SLC25A17: variants seen among roughly 807,000 people sequenced by gnomAD.
SLC25A17 encodes peroxisomal membrane protein PMP34.
A neutral mutation model predicts 38.5 loss-of-function variants in SLC25A17; 26 were observed. The ratio of observed to expected loss-of-function variants is 0.68; its 90% confidence interval spans 0.50 to 0.94. The LOEUF is 0.94. SLC25A17 is among the 40% of genes least tolerant of loss of function. SLC25A17 has a pLI of 0.00. For synonymous variants in SLC25A17, 139 were observed against 136.2 expected (o/e 1.02, Z -0.14); for missense variants, 333 against 372.7 (o/e 0.89, Z 0.88).
chr22:40,773,726 T>A (rs1380748323), intron 8 of SLC25A17, among the ~76,000 whole-genome samples: 1 of 152,220 alleles, frequency 6.6e-6, no homozygotes, highest in Non-Finnish European at 1.5e-5. Context: ...TAACAAAGAA[T>A]AAGAACCTGA....
intron 1 of SLC25A17, among the ~76,000 whole-genome samples, chr22:40,813,551 C>T (rs1038478256): frequency 1.7e-4 from 25 of 147,978 alleles, no homozygotes; most frequent in African/African-American, 6.3e-4. Context: ...AAAAAATACC[C>T]TCTCTATTAA....
At chr22:40,790,606 C>T (rs2145672613) in intron 4 of SLC25A17, among the ~76,000 whole-genome samples, 1 of 152,170 alleles carries the variant, frequency 6.6e-6, no homozygotes, top group South Asian at 2.1e-4. Flanking sequence ...CTAAATTGCA[C>T]TAAGAGTTAG....
chr22:40,799,124 AG>A, intron 1 of SLC25A17, 41 bp from the exon 2 acceptor site: 1 of 1,535,762 alleles, frequency 6.5e-7, no homozygotes, highest in Non-Finnish European at 9.0e-7. Context: ...TCACAAACAT[AG>A]TTTAAGTCAC....
At chr22:40,807,830 A>G (rs987970137) in intron 1 of SLC25A17, among the ~76,000 whole-genome samples, 2 of 152,184 alleles carry the variant, frequency 1.3e-5, no homozygotes, top group Non-Finnish European at 2.9e-5. Flanking sequence ...GGGACTTGCT[A>G]TATTTGTCTC....
chr22:40,797,729 T>C (rs2057443031), intron 2 of SLC25A17, among the ~76,000 whole-genome samples: 1 of 152,222 alleles, frequency 6.6e-6, no homozygotes, highest in South Asian at 2.1e-4. Context: ...TGACCAGTAT[T>C]TAAAGTCAAT....
At chr22:40,808,253 A>AC (rs2057547346) in intron 1 of SLC25A17, among the ~76,000 whole-genome samples, 1 of 152,214 alleles carries the variant, frequency 6.6e-6, no homozygotes. Flanking sequence ...CTATCTTCCC[A>AC]CCCCCACAGC....
chr22:40,793,951 T>C (rs960628607), intron 3 of SLC25A17, among the ~76,000 whole-genome samples: 7 of 152,194 alleles, frequency 4.6e-5, no homozygotes, highest in African/African-American at 1.7e-4. Context: ...GTATGTAACT[T>C]ACTCTCAAAT....
chr22:40,782,613 T>C (rs1323066810), intron 4 of SLC25A17, among the ~76,000 whole-genome samples: 2 of 152,182 alleles, frequency 1.3e-5, no homozygotes, highest in African/African-American at 4.8e-5. Context: ...GGAAAATATG[T>C]GCAATGACCA....
At chr22:40,778,159 A>T (rs531604854) in intron 5 of SLC25A17, among the ~76,000 whole-genome samples, 2 of 152,360 alleles carry the variant, frequency 1.3e-5, no homozygotes, top group African/African-American at 4.8e-5. Flanking sequence ...GCTCAAAGAT[A>T]TCAGATACCA....
intron 4 of SLC25A17, among the ~76,000 whole-genome samples, chr22:40,790,082 G>A (rs1237611174): frequency 1.3e-5 from 2 of 150,830 alleles, no homozygotes; most frequent in Non-Finnish European, 3.0e-5. Flanking sequence ...GCTCACGCCT[G>A]TAATCCCAGC....
At chr22:40,795,882 G>C (rs1347899669) in intron 2 of SLC25A17, among the ~76,000 whole-genome samples, 1 of 151,946 alleles carries the variant, frequency 6.6e-6, no homozygotes, top group Admixed American at 6.6e-5. Context: ...CTACCTTCTG[G>C]GTGCAAGCAA....
intron 1 of SLC25A17, among the ~76,000 whole-genome samples, chr22:40,811,022 TG>T (rs1228183131): frequency 6.6e-6 from 1 of 151,246 alleles, no homozygotes; most frequent in Non-Finnish European, 1.5e-5. Context: ...CACCTCTGGG[TG>T]GAGGTCAATT....
At chr22:40,788,772 T>A (rs1683683784) in intron 4 of SLC25A17, 1 of 246,584 alleles carries the variant, frequency 4.1e-6, no homozygotes, top group South Asian at 6.3e-5. Context: ...TAATATGATT[T>A]TTCATCAGTG....
chr22:40,817,958 T>C (rs1298640301), intron 1 of SLC25A17, among the ~76,000 whole-genome samples: 3 of 152,234 alleles, frequency 2.0e-5, no homozygotes, highest in Non-Finnish European at 4.4e-5. Flanking sequence ...CCAGGCTTCC[T>C]GAATTAGGCA....
Position 40,789,031 on chromosome 22 carries a change from T to C in SLC25A17, c.334+3494A>G. ...TGTTTCCATGGACTTCTTCGTATTC[T>C]CATAGTATGGGTTCCATCCTATGCT... is the stretch of plus-strand genomic sequence containing the variant. On this transcript the variant is annotated intron_variant, in intron 4 of 8. Transcript: ENST00000435456. The surrounding 1 kb of genome is among the most constrained non-coding windows in gnomAD (Gnocchi z 4.5). 3.3e-6 allele frequency: 1 copy of C among 303,034 alleles called. No individual in the cohort carries two copies. The highest frequency in any genetic ancestry group is 6.6e-6 in the Non-Finnish European group (1 of 150,412). The allele number at this position is 303,034 out of a possible 1,614,324, so 18.8% of individuals were successfully genotyped here.
In SLC25A17 at chr22:40,794,506, G is replaced by T. The variant is rs997587578; in HGVS notation, c.182+8C>A. On this transcript the variant is annotated splice_region_variant and intron_variant, in intron 3 of 8. Transcript: ENST00000435456. The stretch of plus-strand genomic sequence containing the variant: ...GCTTTAACGAAGGTGAACTGAGGTA[G>T]TACTCACAGTCCTTCTTCTTTAATG... The T allele has an allele frequency of 3.8e-6, 6 of 1,585,842 alleles. No individual in the cohort carries two copies. The highest frequency in any genetic ancestry group is 4.3e-6 in the Non-Finnish European group (5 of 1,155,844).
rs373911571 is a variant in SLC25A17 at position 40,777,024 on chromosome 22, G to T, written c.693+16C>A. ...AATGCTGTTTGACTAAATGCGAAGAGAACTCCAGCACTCACCCTCAGAATT... is the reference window on the plus strand; with the variant it reads ...AATGCTGTTTGACTAAATGCGAAGATAACTCCAGCACTCACCCTCAGAATT... On this transcript the variant is annotated intron_variant, in intron 7 of 8. Coordinates refer to ENST00000435456, the MANE Select transcript of SLC25A17 (RefSeq NM_006358.4). The T allele has an allele frequency of 1.4e-4, 231 of 1,607,772 alleles. No homozygotes were observed. The highest frequency in any genetic ancestry group is 1.9e-4 in the Non-Finnish European group (221 of 1,174,580).
At chr22:40,814,843 G>A (rs982316254) in intron 1 of SLC25A17, among the ~76,000 whole-genome samples, 9 of 148,610 alleles carry the variant, frequency 6.1e-5, no homozygotes, top group South Asian at 2.1e-4. Context: ...TTTTTGAGAC[G>A]GAGTCTTGCT....
At chr22:40,771,264 C>A (rs988579912) in intron 8 of SLC25A17, among the ~76,000 whole-genome samples, 16 of 152,180 alleles carry the variant, frequency 1.1e-4, no homozygotes, top group African/African-American at 3.6e-4. Flanking sequence ...CCCGCCACGA[C>A]ACCAGGCTAA....
Sources: gnomAD v4.1 joint callset for allele counts (sites outside exome capture counted in the v4.1 genomes callset) on GRCh38, gnomAD v4.1.1 for gene constraint, Gnocchi (gnomAD v3.1) non-coding constraint, MANE v1.5 for transcripts, NCBI Gene and HGNC (gene_info 2026-07-23, HGNC 2026-07-21) for gene names.